Variants in KIF13A observed in about 807,000 individuals in gnomAD.
KIF13A encodes the protein kinesin-like protein KIF13A.
In KIF13A, 79 loss-of-function variants were observed where a neutral mutation model predicts 212.2. The observed-to-expected ratio is 0.37, with a 90% CI of 0.31 to 0.45. The LOEUF (loss-of-function observed/expected upper bound fraction) is 0.45. Ranked by LOEUF, KIF13A falls within the 20% of genes least tolerant of loss-of-function variation. KIF13A has a pLI of 1.00. For synonymous variants in KIF13A, 789 were observed against 808.6 expected (o/e 0.98, Z 0.41); for missense variants, 1,901 against 2,209.0 (o/e 0.86, Z 2.79).
downstream of KIF13A, among the ~76,000 whole-genome samples, chr6:17,763,475 CAAA>C (rs67357010): frequency 1.3e-5 from 1 of 75,768 alleles, no homozygotes; most frequent in Non-Finnish European, 2.4e-5. Flanking sequence ...CACTCCATCT[CAAA>C]AAAAAAAAAA....
At chr6:17,935,856 G>C (rs1395311515) in intron 2 of KIF13A, among the ~76,000 whole-genome samples, 2 of 152,124 alleles carry the variant, frequency 1.3e-5, no homozygotes, top group African/African-American at 4.8e-5. Context: ...CCAGATTCTT[G>C]AGTTAAGATA....
rs1256728983 is a variant in KIF13A, at chr6:17,786,107, G to A, written c.3362-466C>T. Reference sequence around the variant, plus strand: ...GCCAGAAATAGCAGAAAGAGCATTGGAACAGCAATTATGAGACTGAGGTTA... The same window carrying A: ...GCCAGAAATAGCAGAAAGAGCATTGAAACAGCAATTATGAGACTGAGGTTA... On this transcript the variant is annotated intron_variant, in intron 27 of 38. Transcript: ENST00000259711. This position sits in a 1 kb window ranked among gnomAD's most constrained non-coding sequence, Gnocchi z 5.4. Among the ~76,000 whole-genome samples the A allele has an allele frequency of 6.6e-6, 1 of 152,192 alleles. No homozygotes were observed. Among genetic ancestry groups the A allele is most frequent in the Non-Finnish European group, 1.5e-5 (1 of 68,030 alleles).
Position 17,951,164 on chromosome 6 carries a change from A to AT in KIF13A, c.146+35889dup. On this transcript the variant is annotated intron_variant, in intron 2 of 38. Transcript: ENST00000259711. This position sits in a 1 kb window ranked among gnomAD's most constrained non-coding sequence, Gnocchi z 4.9. The stretch of plus-strand genomic sequence containing the variant: ...TCACCTCACGCCACTTTAATTTTTT[A>AT]TTTTTTTGAAGACAGGGTCTGGCTC... 1 of 1,236,250 alleles carries AT rather than the reference A, an allele frequency of 8.1e-7. No homozygotes were observed. Among genetic ancestry groups the AT allele is most frequent in the Non-Finnish European group, 1.0e-6 (1 of 989,336 alleles). 76.6% of individuals were successfully genotyped at this position (1,236,250 alleles called of 1,614,324 possible).
Position 17,773,841 on chromosome 6 carries a change from G to T in KIF13A, c.4219-258C>A, listed in dbSNP as rs1411021169. ...AATAAAATTATTACAAATGTAGTGT[G>T]ATCTTTTGGTCCCATTCATCTTCCT... On this transcript the variant is annotated intron_variant, in intron 35 of 38. Transcript: ENST00000259711. This position sits in a 1 kb window ranked among gnomAD's most constrained non-coding sequence, Gnocchi z 4.2. 6.6e-6 allele frequency among the ~76,000 whole-genome samples: 1 copy of T among 152,120 alleles called. No homozygotes were observed. The highest frequency in any genetic ancestry group is 1.5e-5 in the Non-Finnish European group (1 of 68,012).
In KIF13A at chr6:17,811,710, T is replaced by A. The variant is rs1763435892; in HGVS notation, c.2001-2780A>T. Among the ~76,000 whole-genome samples the A allele has an allele frequency of 6.6e-6, 1 of 152,232 alleles. No individual in the cohort carries two copies. The highest frequency in any genetic ancestry group is 2.1e-4 in the South Asian group (1 of 4,834). The stretch of plus-strand genomic sequence containing the variant: ...ATATAACCACATACAATTAATGACA[T>A]CTTACTTTTATCCAGTGAAACCTGA... On this transcript the variant is annotated intron_variant, in intron 17 of 38. Coordinates refer to ENST00000259711, the MANE Select transcript of KIF13A (RefSeq NM_022113.6). The surrounding 1 kb of genome is among the most constrained non-coding windows in gnomAD (Gnocchi z 6.0).
chr6:17,971,599 A>AT lies in KIF13A; in HGVS notation c.146+15454dup, dbSNP rs1396060692. ...ACTACCACACCCAGCTAATTTTTCT[A>AT]TTTTTTGTAGAGATGGGGTTTTGTC... is the stretch of plus-strand genomic sequence containing the variant. On this transcript the variant is annotated intron_variant, in intron 2 of 38. Coordinates refer to ENST00000259711, the MANE Select transcript of KIF13A (RefSeq NM_022113.6). The surrounding 1 kb of genome is among the most constrained non-coding windows in gnomAD (Gnocchi z 4.2). Among the ~76,000 whole-genome samples, 7 of 151,704 alleles carry AT rather than the reference A, an allele frequency of 4.6e-5. No homozygotes were observed. Among genetic ancestry groups the AT allele is most frequent in the Admixed American group, 4.6e-4 (7 of 15,206 alleles).
chr6:17,934,472 TC>T lies in KIF13A; in HGVS notation c.147-36293del, dbSNP rs1213395411. On this transcript the variant is annotated intron_variant, in intron 2 of 38. Transcript: ENST00000259711. This position sits in a 1 kb window ranked among gnomAD's most constrained non-coding sequence, Gnocchi z 5.4. Reference sequence around the variant, plus strand: ...GTATTCTAAAATCATAAATACAGAATCCCCAATAATATCATAATAAAAAGAC... The same window carrying T: ...GTATTCTAAAATCATAAATACAGAATCCCAATAATATCATAATAAAAAGAC... Among the ~76,000 whole-genome samples, 7 of 151,872 alleles carry T rather than the reference TC, an allele frequency of 4.6e-5. No individual in the cohort carries two copies. The highest frequency in any genetic ancestry group is 1.0e-4 in the Non-Finnish European group (7 of 67,986).
chr6:17,928,415 T>A (rs1029620026), intron 2 of KIF13A, among the ~76,000 whole-genome samples: 9 of 152,184 alleles, frequency 5.9e-5, no homozygotes, highest in African/African-American at 2.2e-4. Context: ...GTGGTGTCAG[T>A]GGATCCAGAC....
chr6:17,936,171 G>A (rs1400671254), intron 2 of KIF13A, among the ~76,000 whole-genome samples: 1 of 152,076 alleles, frequency 6.6e-6, no homozygotes, highest in Admixed American at 6.6e-5. Flanking sequence ...TTTTTGAGAC[G>A]GTGTCTTACT....
intron 9 of KIF13A, among the ~76,000 whole-genome samples, chr6:17,844,325 T>C (rs1244669823): frequency 1.3e-5 from 2 of 152,122 alleles, no homozygotes; most frequent in Non-Finnish European, 2.9e-5. Flanking sequence ...TCATCAACCG[T>C]TGTGGTAGAA....
In KIF13A at chr6:17,900,935, G is replaced by A. The variant is rs112952914; in HGVS notation, c.147-2755C>T. ...CTACTAAAAATACAAAAAATTAGCC[G>A]GGCGTGGTGGCGGGTGCCTGTAGTC... On this transcript the variant is annotated intron_variant, in intron 2 of 38. Coordinates refer to ENST00000259711, the MANE Select transcript of KIF13A (RefSeq NM_022113.6). This position sits in a 1 kb window ranked among gnomAD's most constrained non-coding sequence, Gnocchi z 4.6. 0.061 allele frequency among the ~76,000 whole-genome samples: 9,193 copies of A among 151,890 alleles called. 314 individuals carry two copies. Among genetic ancestry groups the A allele is most frequent in the Middle Eastern group, 0.12 (35 of 294 alleles).
At chr6:17,923,416 C>T (rs558889234) in intron 2 of KIF13A, among the ~76,000 whole-genome samples, 5 of 151,958 alleles carry the variant, frequency 3.3e-5, no homozygotes, top group African/African-American at 7.2e-5. Context: ...TAATCAACTA[C>T]GGGAAGGTCA....
Position 17,987,320 on chromosome 6 carries a change from C to T in KIF13A, c.55+89G>A, listed in dbSNP as rs1781665115. The stretch of plus-strand genomic sequence containing the variant: ...TCCGCCCCGGCCCCCCGGCCCCGGC[C>T]GCGCTCTCGCCGTCCCGGCCCCGCA... On this transcript the variant is annotated intron_variant, in intron 1 of 38. Transcript: ENST00000259711. The surrounding 1 kb of genome is among the most constrained non-coding windows in gnomAD (Gnocchi z 7.7). 1 of 1,037,222 alleles carries T rather than the reference C, an allele frequency of 9.6e-7. No homozygotes were observed. Among genetic ancestry groups the T allele is most frequent in the African/African-American group, 1.7e-5 (1 of 58,186 alleles). 64.3% of individuals were successfully genotyped at this position (1,037,222 alleles called of 1,614,324 possible).
chr6:17,821,958 C>A (rs1764494212), intron 16 of KIF13A: 1 of 1,530,026 alleles, frequency 6.5e-7, no homozygotes, highest in South Asian at 1.2e-5. Context: ...GGCACATCAG[C>A]ACTTGCATCA....
At chr6:17,775,115 G>GTT in intron 34 of KIF13A, 53 bp from the exon 35 acceptor site, 1 of 1,405,592 alleles carries the variant, frequency 7.1e-7, no homozygotes, top group South Asian at 1.3e-5. Context: ...AATATAAGGG[G>GTT]TTTTTTTTAT....
chr6:17,866,457 A>C (rs1769378941), intron 4 of KIF13A, among the ~76,000 whole-genome samples: 1 of 152,170 alleles, frequency 6.6e-6, no homozygotes, highest in African/African-American at 2.4e-5. Context: ...TTTCACCAGC[A>C]TACATGTCAT....
rs1761849500 is a variant in KIF13A, at chr6:17,794,307, G to C, written c.3164C>G (p.Ser1055Cys). The change falls in exon 25 of 39, where the codon TCC becomes TGC. Residue 1055 changes from serine to cysteine, a missense_variant. Physicochemically the swap from Ser to Cys is moderately radical, Grantham distance 112 (BLOSUM62 -1). This residue lies in a region of KIF13A where 168 missense variants were observed against 250.9 expected (regional missense o/e 0.67). Coordinates refer to ENST00000259711, the MANE Select transcript of KIF13A (RefSeq NM_022113.6). This position sits in a 1 kb window ranked among gnomAD's most constrained non-coding sequence, Gnocchi z 4.1. ...GGACCTGGCAGTTACACAGCCGATG[G>C]ATACTGACAGGATGGCTTCAACCAT... Reference protein sequence around the residue: ...PLMVEAILSVSIGCVTARSTK... With the variant: ...PLMVEAILSVCIGCVTARSTK... 6.2e-7 allele frequency: 1 copy of C among 1,613,428 alleles called. No individual in the cohort carries two copies. Among genetic ancestry groups the C allele is most frequent in the Admixed American group, 1.7e-5 (1 of 60,010 alleles).
At chr6:17,767,671 T>C (rs563458921) in intron 38 of KIF13A, among the ~76,000 whole-genome samples, 2 of 152,236 alleles carry the variant, frequency 1.3e-5, no homozygotes, top group Non-Finnish European at 2.9e-5. Flanking sequence ...TACTATTTAC[T>C]ATAATTAAGT....
In KIF13A at chr6:17,772,043, A is replaced by G; in HGVS notation, c.4341T>C (p.Thr1447=). Residue 1447 remains threonine, a synonymous_variant, in exon 37 of 39, where the codon ACT becomes ACC. Coordinates refer to ENST00000259711, the MANE Select transcript of KIF13A (RefSeq NM_022113.6). The surrounding 1 kb of genome is among the most constrained non-coding windows in gnomAD (Gnocchi z 4.8). ...AAGGGCTGACGGTTAAGGCATGAGG[A>G]GTCTCTGATGTACAACCTAGGGAAG... ...RRNKEGCTSE[T]PHALTVSPFK... 6.2e-7 allele frequency: 1 copy of G among 1,613,906 alleles called. No individual in the cohort carries two copies. Among genetic ancestry groups the G allele is most frequent in the Non-Finnish European group, 8.5e-7 (1 of 1,179,806 alleles).
Sources: gnomAD v4.1 joint callset for allele counts (sites outside exome capture counted in the v4.1 genomes callset) on GRCh38, gnomAD v4.1.1 for gene constraint, gnomAD v4.1.1 regional missense constraint, Gnocchi (gnomAD v3.1) non-coding constraint, MANE v1.5 for transcripts, NCBI Gene and HGNC (gene_info 2026-07-23, HGNC 2026-07-21) for gene names.